Variants in EYA1 observed in about 807,000 individuals in gnomAD.
EYA1 encodes protein phosphatase EYA1.
Under a neutral mutation model 82.0 loss-of-function variants are expected in EYA1, and 16 were observed. The ratio of observed to expected loss-of-function variants is 0.20; its 90% confidence interval spans 0.13 to 0.30. The LOEUF is 0.30. EYA1 is among the 10% of genes least tolerant of loss of function. The pLI is 1.00. For synonymous variants in EYA1, 261 were observed against 264.4 expected (o/e 0.99, Z 0.12); for missense variants, 633 against 730.7 (o/e 0.87, Z 1.54).
At chr8:71,377,813 C>T (rs1828462105) in intron 2 of EYA1, among the ~76,000 whole-genome samples, 1 of 152,170 alleles carries the variant, frequency 6.6e-6, no homozygotes, top group Non-Finnish European at 1.5e-5. Flanking sequence ...TTGCTAGGTA[C>T]CTCACATCAA....
intron 1 of EYA1, 180 bp from the exon 2 acceptor site, chr8:71,356,691 C>T (rs1826917477): frequency 7.7e-7 from 1 of 1,298,858 alleles, no homozygotes; most frequent in African/African-American, 1.5e-5. Context: ...CTGTTGTTTC[C>T]TCCTGCAGGT....
At chr8:71,383,542 C>A (rs866714545) in intron 2 of EYA1, among the ~76,000 whole-genome samples, 1 of 152,070 alleles carries the variant, frequency 6.6e-6, no homozygotes, top group Non-Finnish European at 1.5e-5. Flanking sequence ...AAGCTACATA[C>A]ATCAATATGA....
chr8:71,406,522 G>A lies in EYA1; in HGVS notation c.34-50011C>T, dbSNP rs59763034. On this transcript the variant is annotated intron_variant, in intron 2 of 18. Coordinates refer to the EYA1 transcript ENST00000643681. ...GCGCAGGCCAGTGGGTGTGTGCACC[G>A]TGTGCGAGCCGAAGCAGGGTGAGGC... Among the ~76,000 whole-genome samples the A allele has an allele frequency of 6.1e-3, 928 of 152,312 alleles. 12 individuals carry two copies. The highest frequency in any genetic ancestry group is 0.021 in the African/African-American group (878 of 41,560).
rs1233404878 is a variant in EYA1, at chr8:71,303,246, C to CATCT, written c.557-3530_557-3527dup. Among the ~76,000 whole-genome samples, 2 of 141,510 alleles carry CATCT rather than the reference C, an allele frequency of 1.4e-5. 1 individual carries two copies. The highest frequency in any genetic ancestry group is 3.2e-5 in the Non-Finnish European group (2 of 62,384). The allele number at this position is 141,510 out of a possible 152,430, so 92.8% of individuals were successfully genotyped here. ...TGGGTTGCTGAATCAATCCACCTAT[C>CATCT]ATCTGTCCATCTATCTCCATGATAT... On this transcript the variant is annotated intron_variant, in intron 7 of 17. Transcript: ENST00000340726.
At chr8:71,300,381 C>T (rs1379961950) in intron 7 of EYA1, among the ~76,000 whole-genome samples, 3 of 152,132 alleles carry the variant, frequency 2.0e-5, no homozygotes, top group Non-Finnish European at 4.4e-5. Flanking sequence ...GCTGGGTTCC[C>T]TCTTTCACAT....
intron 7 of EYA1, among the ~76,000 whole-genome samples, chr8:71,316,707 A>T (rs1345657951): frequency 6.6e-6 from 1 of 152,236 alleles, no homozygotes; most frequent in Non-Finnish European, 1.5e-5. Context: ...AACCCCTTCA[A>T]TCAAAAAGAG....
At chr8:71,498,272 C>T (rs1300544358) in intron 2 of EYA1, among the ~76,000 whole-genome samples, 1 of 152,126 alleles carries the variant, frequency 6.6e-6, no homozygotes, top group Non-Finnish European at 1.5e-5. Context: ...CCTCATTCCA[C>T]AATGTATATA....
At chr8:71,331,759 A>G (rs893792009) in intron 4 of EYA1, among the ~76,000 whole-genome samples, 1 of 152,174 alleles carries the variant, frequency 6.6e-6, no homozygotes, top group Non-Finnish European at 1.5e-5. Context: ...AATTCTCAAG[A>G]GCTGTGTACA....
intron 2 of EYA1, among the ~76,000 whole-genome samples, chr8:71,455,527 G>A (rs566704530): frequency 8.5e-5 from 13 of 152,232 alleles, no homozygotes; most frequent in Admixed American, 5.9e-4. Context: ...CTGGGGAACC[G>A]AATCCAGCAG....
chr8:71,277,603 C>A (rs535633136), intron 9 of EYA1, among the ~76,000 whole-genome samples: 1 of 152,262 alleles, frequency 6.6e-6, no homozygotes, highest in East Asian at 1.9e-4. Context: ...AGGATTATAA[C>A]ATTTTTGCAA....
chr8:71,405,728 C>T (rs551576816), intron 2 of EYA1, among the ~76,000 whole-genome samples: 14 of 152,172 alleles, frequency 9.2e-5, no homozygotes, highest in Non-Finnish European at 1.6e-4. Flanking sequence ...GGTGCTTTTC[C>T]GTTGTTATTT....
chr8:71,433,940 C>T (rs1325607178), intron 2 of EYA1, among the ~76,000 whole-genome samples: 5 of 152,212 alleles, frequency 3.3e-5, no homozygotes, highest in Non-Finnish European at 5.9e-5. Context: ...AGTTAAGAGG[C>T]TACTTCAGTA....
chr8:71,514,612 T>A (rs1812832048), intron 2 of EYA1, among the ~76,000 whole-genome samples: 1 of 152,026 alleles, frequency 6.6e-6, no homozygotes, highest in Admixed American at 6.6e-5. Flanking sequence ...AAAATGAGGA[T>A]GAAGCCAAAG....
At chr8:71,341,749 G>GA (rs1406017011) in intron 3 of EYA1, among the ~76,000 whole-genome samples, 1 of 152,044 alleles carries the variant, frequency 6.6e-6, no homozygotes. Flanking sequence ...AGGAGGGCAG[G>GA]AAAAAACATT....
At chr8:71,477,666 A>T (rs1332411210) in intron 2 of EYA1, among the ~76,000 whole-genome samples, 1 of 152,166 alleles carries the variant, frequency 6.6e-6, no homozygotes, top group Middle Eastern at 3.4e-3. Flanking sequence ...AATTTTGGTC[A>T]CTCCTGTAAT....
chr8:71,323,771 C>G (rs75701726), intron 4 of EYA1, among the ~76,000 whole-genome samples: 3,613 of 152,246 alleles, frequency 0.024, 139 homozygotes, highest in African/African-American at 0.083. Flanking sequence ...CTGTCTGATA[C>G]ACATGGGAAG....
intron 2 of EYA1, among the ~76,000 whole-genome samples, chr8:71,472,231 C>G (rs917317001): frequency 1.3e-5 from 2 of 152,168 alleles, no homozygotes; most frequent in African/African-American, 4.8e-5. Flanking sequence ...ACTTTAAACA[C>G]TGCCTACTTC....
intron 3 of EYA1, among the ~76,000 whole-genome samples, chr8:71,349,176 G>T (rs1274551092): frequency 1.3e-5 from 2 of 152,172 alleles, no homozygotes; most frequent in African/African-American, 2.4e-5. Flanking sequence ...ACCACAGGAA[G>T]GACTCTCACA....
At chr8:71,447,365 C>T (rs1737660861) in intron 2 of EYA1, among the ~76,000 whole-genome samples, 1 of 152,054 alleles carries the variant, frequency 6.6e-6, no homozygotes, top group South Asian at 2.1e-4. Flanking sequence ...AAAGCCTTCT[C>T]CACGTATGCT....
Sources: allele counts gnomAD v4.1 joint callset (sites outside exome capture counted in the v4.1 genomes callset), GRCh38; gene constraint gnomAD v4.1.1; transcripts MANE v1.5; gene names NCBI Gene and HGNC (gene_info 2026-07-23, HGNC 2026-07-21).